The following EVC variants were observed in gnomAD, a reference collection of about 807,000 sequenced individuals.
EVC encodes EvC ciliary complex subunit 1, also known as evC complex member EVC.
Under a neutral mutation model 118.9 loss-of-function variants are expected in EVC, and 116 were observed. That is an observed-to-expected ratio of 0.98 (90% CI 0.84 to 1.14). The LOEUF is 1.14. Ranked by LOEUF, EVC falls within the 50% of genes most tolerant of loss-of-function variation. The probability of loss-of-function intolerance (pLI) is 0.00; values close to 1 mark genes in which losing one functional copy is unlikely to be tolerated. For synonymous variants in EVC, 619 were observed against 534.7 expected (o/e 1.16, Z -2.18); for missense variants, 1,401 against 1,246.4 (o/e 1.12, Z -1.87).
chr4:5,802,123 A>C (rs1391381176), intron 16 of EVC, 29 bp downstream of exon 16: 1 of 1,614,024 alleles, frequency 6.2e-7, no homozygotes, highest in Non-Finnish European at 8.5e-7. Flanking sequence ...GGGAAGCCCC[A>C]GAAGAGACTG....
the EVC span, chr4:5,821,884 A>G: frequency 1.3e-5 from 19 of 1,505,876 alleles, no homozygotes; most frequent in Non-Finnish European, 1.7e-5. This position sits in a 1 kb window ranked among gnomAD's most constrained non-coding sequence, Gnocchi z 4.4. Context: ...GCTGGATGGG[A>G]TCTGTTAGCA....
chr4:5,810,476 C>A (rs756430689), intron 20 of EVC, 26 bp downstream of exon 20: 3 of 1,570,234 alleles, frequency 1.9e-6, no homozygotes, highest in Non-Finnish European at 2.6e-6. Context: ...GGACCTGTTG[C>A]CTGTGGCTGG....
the EVC span, chr4:5,824,406 C>T: frequency 2.8e-3 from 2,728 of 985,304 alleles, 51 homozygotes; most frequent in African/African-American, 0.042. Context: ...CATGCCTCCT[C>T]GGCATAATCA....
At chr4:5,729,420 C>CA (rs1726419775) in intron 3 of EVC, 30 bp downstream of exon 3, 1 of 1,588,420 alleles carries the variant, frequency 6.3e-7, no homozygotes. Context: ...TCATAGAAAG[C>CA]CAGTTACTTC....
intron 2 of EVC, among the ~76,000 whole-genome samples, chr4:5,724,700 A>AT (rs36029145): frequency 0.011 from 1,572 of 144,880 alleles, 24 homozygotes; most frequent in African/African-American, 0.033. Context: ...TTTCCCTGTT[A>AT]TTTTTTTTTT....
At chr4:5,797,997 C>A (rs895835703) in intron 14 of EVC, among the ~76,000 whole-genome samples, 2 of 152,210 alleles carry the variant, frequency 1.3e-5, no homozygotes, top group Admixed American at 1.3e-4. Context: ...GCTCTGGGAG[C>A]AGCTGCTGCT....
intron 2 of EVC, among the ~76,000 whole-genome samples, chr4:5,722,584 G>A (rs960783775): frequency 5.3e-5 from 8 of 152,198 alleles, no homozygotes; most frequent in South Asian, 2.1e-4. Context: ...CATCTCAGCC[G>A]AAAACAAACA....
rs1283867146 is a variant in EVC, at chr4:5,730,656, A to G, written c.385-769A>G. Among the ~76,000 whole-genome samples, 3 of 151,992 alleles carry G rather than the reference A, an allele frequency of 2.0e-5. No homozygotes were observed. In the East Asian group the frequency reaches 5.8e-4, roughly 30 times the overall value. On this transcript the variant is annotated intron_variant, in intron 3 of 20. Coordinates refer to ENST00000264956, the MANE Select transcript of EVC (RefSeq NM_153717.3). The stretch of plus-strand genomic sequence containing the variant: ...GCATGATGAAATAGGCAAGAGGCAG[A>G]TCCCCAGGGACCTGTGGAGCCAGTA...
chr4:5,745,694 A>T (rs1729263994), intron 7 of EVC, among the ~76,000 whole-genome samples: 1 of 152,264 alleles, frequency 6.6e-6, no homozygotes, highest in African/African-American at 2.4e-5. Context: ...AGCAAGTTTT[A>T]AATTCCAGAC....
rs1259744157 is a variant in EVC, at chr4:5,749,902, C to T, written c.1098+1596C>T. On this transcript the variant is annotated intron_variant, in intron 8 of 20. Transcript: ENST00000264956. This position sits in a 1 kb window ranked among gnomAD's most constrained non-coding sequence, Gnocchi z 4.4. ...TGCTCCTCCAGGTGTGATCCACAGA[C>T]CACAGCATCGGCAACACTGGGAGCT... 6.6e-6 allele frequency among the ~76,000 whole-genome samples: 1 copy of T among 152,170 alleles called. No homozygotes were observed. Among genetic ancestry groups the T allele is most frequent in the Non-Finnish European group, 1.5e-5 (1 of 68,028 alleles).
chr4:5,745,414 A>G (rs2152028584), intron 7 of EVC, 73 bp downstream of exon 7: 1 of 1,512,922 alleles, frequency 6.6e-7, no homozygotes, highest in South Asian at 1.1e-5. Context: ...CATTAGAGAG[A>G]TGATAGTTAG....
At chr4:5,765,034 G>T (rs1732658071) in intron 11 of EVC, among the ~76,000 whole-genome samples, 1 of 117,432 alleles carries the variant, frequency 8.5e-6, no homozygotes. Context: ...CCTCTTGTGG[G>T]CATTTAGTGC....
intron 11 of EVC, among the ~76,000 whole-genome samples, chr4:5,782,486 C>G (rs1232992202): frequency 1.5e-5 from 2 of 134,030 alleles, no homozygotes; most frequent in Non-Finnish European, 3.1e-5. Flanking sequence ...CTCCACCTCC[C>G]AGGTTCACGC....
chr4:5,736,203 T>C (rs1727649246), intron 5 of EVC, among the ~76,000 whole-genome samples: 2 of 152,086 alleles, frequency 1.3e-5, no homozygotes, highest in South Asian at 4.1e-4. Flanking sequence ...ACTAGGGGGT[T>C]CTCATGGTGC....
At chr4:5,825,802 C>T in the EVC span, 265 of 754,288 alleles carry the variant, frequency 3.5e-4, 1 homozygote, top group African/African-American at 3.5e-3. This position sits in a 1 kb window ranked among gnomAD's most constrained non-coding sequence, Gnocchi z 4.4. Context: ...CACGCACACA[C>T]GACAGGTGCA....
intron 8 of EVC, among the ~76,000 whole-genome samples, chr4:5,752,490 C>G (rs977205039): frequency 1.3e-5 from 2 of 152,096 alleles, no homozygotes; most frequent in Admixed American, 6.5e-5. Context: ...CCAGATTGGC[C>G]GGGGGAGATG....
intron 2 of EVC, among the ~76,000 whole-genome samples, chr4:5,722,208 C>T (rs866751439): frequency 6.6e-6 from 1 of 152,130 alleles, no homozygotes; most frequent in Non-Finnish European, 1.5e-5. Flanking sequence ...TGAGTTAATG[C>T]GTGTGAACGT....
At chr4:5,728,966 A>G (rs539451124) in intron 2 of EVC, among the ~76,000 whole-genome samples, 17 of 152,074 alleles carry the variant, frequency 1.1e-4, no homozygotes, top group Middle Eastern at 3.4e-3. Flanking sequence ...TCATCCACCC[A>G]TCTATCTCTC....
At chr4:5,760,373 G>T (rs1221628811) in intron 11 of EVC, among the ~76,000 whole-genome samples, 1 of 152,034 alleles carries the variant, frequency 6.6e-6, no homozygotes, top group Non-Finnish European at 1.5e-5. Flanking sequence ...CTTCAGTGAA[G>T]AAAGTGAAGA....
Sources: gnomAD v4.1 joint callset for allele counts (sites outside exome capture counted in the v4.1 genomes callset) on GRCh38, gnomAD v4.1.1 for gene constraint, Gnocchi (gnomAD v3.1) non-coding constraint, MANE v1.5 for transcripts, NCBI Gene and HGNC (gene_info 2026-07-23, HGNC 2026-07-21) for gene names.